CDH17: variants seen among roughly 807,000 people sequenced by gnomAD.
CDH17 encodes the protein cadherin-17.
In CDH17, 67 loss-of-function variants were observed where a neutral mutation model predicts 86.3. The observed-to-expected ratio is 0.78, with a 90% CI of 0.64 to 0.95. The LOEUF (loss-of-function observed/expected upper bound fraction) is 0.95, where lower values mean the gene tolerates loss of function less well. CDH17 is among the 40% of genes least tolerant of loss of function. The pLI, the probability that CDH17 is intolerant of heterozygous loss-of-function variation, is 0.00. For synonymous variants in CDH17, 367 were observed against 366.4 expected, an observed-to-expected ratio of 1.00 and a Z score of -0.02; for missense variants, 993 against 1,017.6, an observed-to-expected ratio of 0.98 and a Z score of 0.33.
intron 13 of CDH17, among the ~76,000 whole-genome samples, chr8:94,151,416 T>A (rs183748692): frequency 6.6e-6 from 1 of 152,318 alleles, no homozygotes; most frequent in East Asian, 1.9e-4. Flanking sequence ...GTATCCTACA[T>A]CCAGAAGATT....
chr8:94,194,763 T>C, intron 1 of CDH17, 58 bp from the exon 2 acceptor site: 1 of 893,934 alleles, frequency 1.1e-6, no homozygotes. Flanking sequence ...ATCATGTCTT[T>C]CCAATCAGTA....
At chr8:94,171,514 T>C (rs1813269049) in intron 7 of CDH17, among the ~76,000 whole-genome samples, 1 of 152,164 alleles carries the variant, frequency 6.6e-6, no homozygotes, top group Non-Finnish European at 1.5e-5. Flanking sequence ...TGAGAATAAC[T>C]GCCAACTCCT....
At chr8:94,199,038 GATATATATATATATATATATAT>G (rs869128612) in intron 1 of CDH17, among the ~76,000 whole-genome samples, 23 of 73,394 alleles carry the variant, frequency 3.1e-4, no homozygotes, top group African/African-American at 1.1e-3. Context: ...AGTTCTGATT[GATATATATATATATATATATAT>G]ATATATATAT....
Position 94,165,892 on chromosome 8 carries a change from T to G in CDH17, c.1151A>C (p.Gln384Pro). The change falls in exon 10 of 18, where the codon CAA becomes CCA. Residue 384 changes from glutamine (Q) to proline (P), a missense_variant. Physicochemically the swap from Gln to Pro is moderately conservative, Grantham distance 76 (BLOSUM62 -1). Transcript: ENST00000027335. ...TCCATCCATGGGAAGTTTGGGAGTTTGCTCCACAATCCTGTAGTTTAGAAA... is the reference window on the plus strand; with the variant it reads ...TCCATCCATGGGAAGTTTGGGAGTTGGCTCCACAATCCTGTAGTTTAGAAA... ...NSFLNYRIVE[Q>P]TPKLPMDGLF... The G allele has an allele frequency of 6.2e-7, 1 of 1,613,912 alleles. No homozygotes were observed. The highest frequency in any genetic ancestry group is 8.5e-7 in the Non-Finnish European group (1 of 1,179,846).
At chr8:94,205,218 C>A (rs1814002574) in intron 1 of CDH17, among the ~76,000 whole-genome samples, 1 of 152,164 alleles carries the variant, frequency 6.6e-6, no homozygotes, top group Non-Finnish European at 1.5e-5. Context: ...AGCATCTTCC[C>A]TGGACTAAAG....
Position 94,151,956 on chromosome 8 carries a change from C to A in CDH17, c.1708G>T (p.Val570Leu). ...VNEAPQFSQH[V>L]FQAKVSEDVA... ...TCCTCACTGACTTTCGCTTGGAATA[C>A]GTGTTGGGAAAATTGAGGTGCTTCA... Residue 570 changes from valine (V) to leucine (L), a missense_variant, in exon 13 of 18, where the codon GTA becomes TTA. Val to Leu is a conservative substitution (Grantham distance 32). Coordinates refer to ENST00000027335, the MANE Select transcript of CDH17 (RefSeq NM_004063.4). 1 of 1,614,182 alleles carries A rather than the reference C, an allele frequency of 6.2e-7. No homozygotes were observed. Among genetic ancestry groups the A allele is most frequent in the Non-Finnish European group, 8.5e-7 (1 of 1,180,018 alleles).
chr8:94,170,949 C>G lies in CDH17; in HGVS notation c.820G>C (p.Val274Leu). ...WNDPGAQYSL[V>L]DKEKLPRFPF... ...AATCTTGGCAGCTTCTCTTTGTCAACTAAGGAATATTGTGCACCGGGATCA... is the reference window on the plus strand; with the variant it reads ...AATCTTGGCAGCTTCTCTTTGTCAAGTAAGGAATATTGTGCACCGGGATCA... Residue 274 changes from valine (V) to leucine (L), a missense_variant, in exon 8 of 18, where the codon GTT (valine) becomes CTT (leucine). By Grantham distance (32) the Val-to-Leu change is conservative. Transcript: ENST00000027335. The G allele has an allele frequency of 2.5e-6, 4 of 1,613,782 alleles. No individual in the cohort carries two copies. The highest frequency in any genetic ancestry group is 3.4e-6 in the Non-Finnish European group (4 of 1,179,820).
chr8:94,135,097 C>A (rs907361047), intron 15 of CDH17, among the ~76,000 whole-genome samples: 1 of 151,988 alleles, frequency 6.6e-6, no homozygotes, highest in Non-Finnish European at 1.5e-5. Flanking sequence ...TCAATTTTGG[C>A]ATAAGTGCTA....
chr8:94,154,920 C>T (rs1812918073), intron 12 of CDH17, among the ~76,000 whole-genome samples: 1 of 152,078 alleles, frequency 6.6e-6, no homozygotes, highest in Non-Finnish European at 1.5e-5. Context: ...AGAGGAGATT[C>T]TGGAGAACAT....
At chr8:94,137,506 T>C (rs1426204558) in intron 15 of CDH17, among the ~76,000 whole-genome samples, 1 of 152,110 alleles carries the variant, frequency 6.6e-6, no homozygotes, top group Non-Finnish European at 1.5e-5. Context: ...AAGTGCAGTA[T>C]TTGGGTGGGA....
chr8:94,152,121 GAGAA>G lies in CDH17; in HGVS notation c.1552-13_1552-10del, dbSNP rs770692898. 6.6e-5 allele frequency: 107 copies of G among 1,611,752 alleles called. 1 individual carries two copies. Among genetic ancestry groups the G allele is most frequent in the Non-Finnish European group, 3.4e-6 (4 of 1,178,654 alleles). ...GTTTCAAAATCAAGAGGCTGTGTAG[GAGAA>G]AGAGAGAAAATTAATTTTGGGGTGA... is the stretch of plus-strand genomic sequence containing the variant. On this transcript the variant is annotated splice_polypyrimidine_tract_variant and intron_variant, in intron 12 of 17. Coordinates refer to ENST00000027335, the MANE Select transcript of CDH17 (RefSeq NM_004063.4).
chr8:94,157,915 G>A (rs962053110), intron 12 of CDH17, among the ~76,000 whole-genome samples: 4 of 152,196 alleles, frequency 2.6e-5, no homozygotes, highest in South Asian at 2.1e-4. Context: ...GTTTGGTTAC[G>A]AGTATAGTGT....
At chr8:94,170,249 C>A (rs749925279) in intron 9 of CDH17, 148 bp downstream of exon 9, 11 of 766,618 alleles carry the variant, frequency 1.4e-5, no homozygotes, top group Non-Finnish European at 2.1e-5. Flanking sequence ...AAATACGGTC[C>A]TTACGTGACT....
intron 10 of CDH17, among the ~76,000 whole-genome samples, chr8:94,163,584 C>A (rs1049645469): frequency 6.6e-6 from 1 of 152,224 alleles, no homozygotes; most frequent in African/African-American, 2.4e-5. Context: ...TGCTTCACAC[C>A]TCCTGTTGGT....
Position 94,130,936 on chromosome 8 carries a change from C to A in CDH17, c.2224G>T (p.Val742Phe). The A allele has an allele frequency of 6.2e-7, 1 of 1,611,828 alleles. No homozygotes were observed. Among genetic ancestry groups the A allele is most frequent in the East Asian group, 2.2e-5 (1 of 44,858 alleles). The part of the protein sequence containing the change: ...HTEFEEREYV[V>F]LIRINDGGRP... ...CCCCCATCATTGATGCGGATCAAGA[C>A]GACATACTCCCTCTCCTCAAACTCT... is the stretch of plus-strand genomic sequence containing the variant. Residue 742 changes from valine to phenylalanine, a missense_variant, in exon 16 of 18, where the codon GTC becomes TTC. Transcript: ENST00000027335.
intron 15 of CDH17, among the ~76,000 whole-genome samples, chr8:94,141,941 C>A (rs1812646404): frequency 6.6e-6 from 1 of 152,170 alleles, no homozygotes; most frequent in African/African-American, 2.4e-5. Context: ...ATTAATCTAC[C>A]TGATTTCAAG....
chr8:94,174,204 C>T lies in CDH17; in HGVS notation c.481G>A (p.Gly161Ser). ...ATGACAATCTGGTAATAAAGCTGGC[C>T]ATTGGGAGTGGCCGGATCATCCAGG... The part of the protein sequence containing the change: ...TDLDDPATPN[G>S]QLYYQIVIQL... The change falls in exon 6 of 18, where the codon GGC (glycine) becomes AGC (serine). Residue 161 changes from glycine (G) to serine (S), a missense_variant. Gly to Ser is a moderately conservative substitution (Grantham distance 56, BLOSUM62 0). Transcript: ENST00000027335. 6.2e-7 allele frequency: 1 copy of T among 1,613,148 alleles called. No individual in the cohort carries two copies. The highest frequency in any genetic ancestry group is 8.5e-7 in the Non-Finnish European group (1 of 1,179,744).
intron 2 of CDH17, among the ~76,000 whole-genome samples, chr8:94,189,852 ATAACTT>A (rs1813654142): frequency 6.6e-6 from 1 of 152,392 alleles, no homozygotes; most frequent in South Asian, 2.1e-4. Context: ...AATTTGAACT[ATAACTT>A]TAAGCAAAGC....
chr8:94,168,141 T>TAC (rs1813198682), intron 9 of CDH17, among the ~76,000 whole-genome samples: 2 of 110,074 alleles, frequency 1.8e-5, no homozygotes, highest in African/African-American at 7.9e-5. Flanking sequence ...TATATATATA[T>TAC]ATATATATAT....
Sources: gnomAD v4.1 joint callset for allele counts (sites outside exome capture counted in the v4.1 genomes callset) on GRCh38, gnomAD v4.1.1 for gene constraint, MANE v1.5 for transcripts, NCBI Gene and HGNC (gene_info 2026-07-23, HGNC 2026-07-21) for gene names.